The following U2SURP variants were observed in gnomAD, a reference collection of about 807,000 sequenced individuals.
U2SURP encodes the protein U2 snRNP associated SURP domain containing.
In U2SURP, 9 loss-of-function variants were observed where a neutral mutation model predicts 144.9. The ratio of observed to expected loss-of-function variants is 0.06; its 90% CI spans 0.04 to 0.11. The LOEUF is 0.11. Among genes scored for constraint, U2SURP ranks in the 10% least tolerant of loss-of-function variants. The pLI, the probability that U2SURP is intolerant of heterozygous loss-of-function variation, is 1.00. For synonymous variants in U2SURP, 408 were observed against 396.8 expected (o/e 1.03, Z -0.33); for missense variants, 724 against 1,226.7 (o/e 0.59, Z 6.12).
In U2SURP at chr3:143,012,094, G is replaced by A. The variant is rs2108272996; in HGVS notation, c.91-128G>A. ...TTGGTGAAATCAATGGTGATATTAAGGGATGTGATATTTTGATAATCTACA... is the reference window on the plus strand; with the variant it reads ...TTGGTGAAATCAATGGTGATATTAAAGGATGTGATATTTTGATAATCTACA... On this transcript the variant is annotated intron_variant, in intron 2 of 27. Transcript: ENST00000473835. The A allele has an allele frequency of 3.4e-6, 4 of 1,188,488 alleles. No homozygotes were observed. The South Asian group carries it at 5.4e-5, about 16-fold the overall frequency. 73.6% of individuals were successfully genotyped at this position (1,188,488 alleles called of 1,614,324 possible). A position where few individuals can be genotyped will look rare whatever the true frequency, so the allele number is the denominator to read the frequency against.
chr3:143,041,229 A>G (rs1934085417), intron 23 of U2SURP, among the ~76,000 whole-genome samples: 1 of 151,942 alleles, frequency 6.6e-6, no homozygotes, highest in Non-Finnish European at 1.5e-5. Flanking sequence ...ATAAACACAC[A>G]TACACTTCAA....
intron 2 of U2SURP, among the ~76,000 whole-genome samples, chr3:143,011,746 C>T (rs867060712): frequency 6.6e-6 from 1 of 152,086 alleles, no homozygotes; most frequent in Non-Finnish European, 1.5e-5. Flanking sequence ...AAAATTATTA[C>T]TATTGTCTTC....
intron 25 of U2SURP, among the ~76,000 whole-genome samples, chr3:143,051,701 G>C (rs1249457486): frequency 6.7e-6 from 1 of 150,314 alleles, no homozygotes; most frequent in Admixed American, 6.7e-5. Context: ...TCACTATAAA[G>C]CTGTTAATGT....
At chr3:143,022,179 A>C (rs965897898) in intron 10 of U2SURP, among the ~76,000 whole-genome samples, 5 of 152,194 alleles carry the variant, frequency 3.3e-5, no homozygotes, top group African/African-American at 1.2e-4. Flanking sequence ...TGCCTAAACA[A>C]ACCATCACTA....
At chr3:143,017,233 TTGAC>T (rs1479949101) in intron 6 of U2SURP, 1 of 296,886 alleles carries the variant, frequency 3.4e-6, no homozygotes, top group Admixed American at 5.1e-5. Context: ...AAGTCAAAAA[TTGAC>T]TATATTGCAA....
chr3:143,047,649 A>G (rs1383091165), intron 24 of U2SURP, among the ~76,000 whole-genome samples: 4 of 41,692 alleles, frequency 9.6e-5, no homozygotes, highest in Admixed American at 2.5e-4. Context: ...CGCCTCCCGG[A>G]CGGGGCGGCT....
In U2SURP at chr3:143,033,256, C is replaced by T. The variant is rs1306489691; in HGVS notation, c.1774-15C>T. The T allele has an allele frequency of 6.8e-7, 1 of 1,471,464 alleles. No homozygotes were observed. Among genetic ancestry groups the T allele is most frequent in the African/African-American group, 1.4e-5 (1 of 71,182 alleles). The allele number at this position is 1,471,464 out of a possible 1,614,324, so 91.2% of individuals were successfully genotyped here. On this transcript the variant is annotated splice_polypyrimidine_tract_variant and intron_variant, in intron 17 of 27. Coordinates refer to ENST00000473835, the MANE Select transcript of U2SURP (RefSeq NM_001080415.2). ...CTTATATTAACCTATTTTGTGTTAT[C>T]TTTTGATATTATAGATTGCCAGATT...
intron 2 of U2SURP, chr3:143,011,990 G>A (rs1050797692): frequency 1.6e-5 from 10 of 638,658 alleles, no homozygotes; most frequent in Middle Eastern, 2.5e-4. Context: ...TTACTTCAAG[G>A]AAAACAACTG....
At chr3:143,010,387 G>A (rs1425380962) in intron 1 of U2SURP, among the ~76,000 whole-genome samples, 1 of 152,154 alleles carries the variant, frequency 6.6e-6, no homozygotes, top group Non-Finnish European at 1.5e-5. Context: ...ATTTATATGT[G>A]GATTTCTTTA....
intron 24 of U2SURP, among the ~76,000 whole-genome samples, chr3:143,044,859 A>T (rs1388065144): frequency 1.3e-5 from 2 of 152,246 alleles, no homozygotes; most frequent in African/African-American, 4.8e-5. Context: ...GTAAACAGAC[A>T]GCATTTTGTT....
chr3:143,022,149 G>C (rs562567261), intron 10 of U2SURP, among the ~76,000 whole-genome samples: 1 of 152,178 alleles, frequency 6.6e-6, no homozygotes, highest in East Asian at 1.9e-4. Flanking sequence ...AACCATGCCT[G>C]CTTGAAAAAT....
At chr3:143,015,390 T>C (rs1461655124) in intron 4 of U2SURP, among the ~76,000 whole-genome samples, 1 of 151,946 alleles carries the variant, frequency 6.6e-6, no homozygotes, top group Non-Finnish European at 1.5e-5. Flanking sequence ...GAAACTATTG[T>C]ACAATCAGAT....
intron 3 of U2SURP, among the ~76,000 whole-genome samples, chr3:143,013,080 AAAC>A (rs1468168389): frequency 6.6e-6 from 1 of 152,052 alleles, no homozygotes; most frequent in Non-Finnish European, 1.5e-5. Context: ...AGAATTCTGT[AAAC>A]AAACTTTTAA....
At chr3:143,035,615 T>A (rs916410746) in intron 19 of U2SURP, among the ~76,000 whole-genome samples, 2 of 152,130 alleles carry the variant, frequency 1.3e-5, no homozygotes, top group Non-Finnish European at 2.9e-5. Context: ...TATTGGACCA[T>A]AAGGGATTCA....
intron 7 of U2SURP, 23 bp from the exon 8 acceptor site, chr3:143,020,576 G>C: frequency 6.3e-7 from 1 of 1,579,178 alleles, no homozygotes; most frequent in Non-Finnish European, 8.7e-7. Context: ...CTCATTATAA[G>C]TGATTGTAAA....
At chr3:143,027,318 AGTAT>A (rs1933209237) in intron 14 of U2SURP, 65 bp downstream of exon 14, 2 of 1,250,590 alleles carry the variant, frequency 1.6e-6, no homozygotes, top group Admixed American at 3.6e-5. Flanking sequence ...ACTATTTTTA[AGTAT>A]ACAGTTCAGT....
chr3:143,009,927 A>T (rs953399940), intron 1 of U2SURP, among the ~76,000 whole-genome samples: 2 of 152,252 alleles, frequency 1.3e-5, no homozygotes, highest in Non-Finnish European at 2.9e-5. Flanking sequence ...AATATTCTTG[A>T]TTTCATTTGA....
chr3:143,020,459 C>T, intron 7 of U2SURP, 140 bp from the exon 8 acceptor site: 3 of 630,458 alleles, frequency 4.8e-6, no homozygotes, highest in Non-Finnish European at 5.6e-6. Context: ...CTGAGGGACC[C>T]TCTAATCTTG....
intron 3 of U2SURP, among the ~76,000 whole-genome samples, chr3:143,013,600 C>G (rs1047130238): frequency 1.3e-5 from 2 of 151,834 alleles, no homozygotes; most frequent in Admixed American, 1.3e-4. Flanking sequence ...GTTTATAAAT[C>G]AAATGAGTAA....
Sources: allele counts gnomAD v4.1 joint callset (sites outside exome capture counted in the v4.1 genomes callset), GRCh38; gene constraint gnomAD v4.1.1; transcripts MANE v1.5; gene names NCBI Gene and HGNC (gene_info 2026-07-23, HGNC 2026-07-21).